The following OAS2 variants were observed in gnomAD, a reference collection of about 807,000 sequenced individuals.
The protein encoded by OAS2 is 2'-5'-oligoadenylate synthetase 2.
Under a neutral mutation model 71.3 loss-of-function variants are expected in OAS2, and 67 were observed. That is an observed-to-expected ratio of 0.94 (90% CI 0.77 to 1.15). OAS2 has a LOEUF of 1.15. Among genes scored for constraint, OAS2 ranks in the 50% most tolerant of loss-of-function variants. The pLI is 0.00. For synonymous variants in OAS2, 327 were observed against 321.8 expected, an observed-to-expected ratio of 1.02 and a Z score of -0.17; for missense variants, 789 against 822.5, an observed-to-expected ratio of 0.96 and a Z score of 0.50.
At chr12:112,998,435 G>A (rs1411716829) in intron 5 of OAS2, 25 bp downstream of exon 5, 1 of 1,601,034 alleles carries the variant, frequency 6.2e-7, no homozygotes, top group Admixed American at 1.8e-5. Flanking sequence ...CAAATACAGG[G>A]TGTTTCATGC....
chr12:113,001,863 C>CAAAAA (rs71086131), intron 5 of OAS2, among the ~76,000 whole-genome samples: 2 of 21,836 alleles, frequency 9.2e-5, no homozygotes, highest in Admixed American at 5.0e-4. Context: ...CCCATCTCTA[C>CAAAAA]AAAAAAAAAA....
rs45565242 is a variant in OAS2 at position 112,995,345 on chromosome 12, C to T, written c.498C>T (p.Ser166=). The change falls in exon 3 of 10, where the codon TCC becomes TCT. Residue 166 remains serine (S), a synonymous_variant. Transcript: ENST00000392583. ...GGATCTATCGAGAGCTCAAAAGATC[C>T]TTGGATAAGACAAATGCCAGTCCTG... ...SPWIYRELKR[S]LDKTNASPGE... is the part of the protein sequence containing the mutation. 19,810 of 1,613,962 alleles carry T rather than the reference C, an allele frequency of 0.012. 162 individuals are homozygous for T. The highest frequency in any genetic ancestry group is 0.013 in the Non-Finnish European group (15,810 of 1,179,952).
intron 2 of OAS2, among the ~76,000 whole-genome samples, chr12:112,990,599 G>A (rs2044182420): frequency 6.6e-6 from 1 of 152,238 alleles, no homozygotes. Context: ...AGGGGAAGGG[G>A]ATTCTCCACA....
rs1345186451 is a variant in OAS2 at position 113,005,220 on chromosome 12, T to A, written c.1466T>A (p.Leu489Gln). 1 of 1,610,854 alleles carries A rather than the reference T, an allele frequency of 6.2e-7. No individual in the cohort carries two copies. Among genetic ancestry groups the A allele is most frequent in the East Asian group, 2.2e-5 (1 of 44,810 alleles). The change falls in exon 7 of 10, where the codon CTG (leucine) becomes CAG (glutamine). Residue 489 changes from leucine (L) to glutamine (Q), a missense_variant and splice_region_variant. Leu to Gln is a moderately radical substitution (Grantham distance 113). Coordinates refer to ENST00000392583, the MANE Select transcript of OAS2 (RefSeq NM_002535.3). ...GATGTGCTTCCTGCCTTTAATGCAC[T>A]GGGTAAGGCTCCCCAGACCTTAGCT... ...SFDVLPAFNA[L>Q]GQLSSGSTPS...
chr12:112,997,850 A>G lies in OAS2; in HGVS notation c.863+95A>G, dbSNP rs1036104163. 9 of 1,043,160 alleles carry G rather than the reference A, an allele frequency of 8.6e-6. No homozygotes were observed. The African/African-American group carries it at 1.5e-4, about 17-fold the overall frequency. The allele number at this position is 1,043,160 out of a possible 1,614,324, so 64.6% of individuals were successfully genotyped here. A position where few individuals can be genotyped will look rare whatever the true frequency, so the allele number is the denominator to read the frequency against. On this transcript the variant is annotated intron_variant, in intron 4 of 9. Coordinates refer to ENST00000392583, the MANE Select transcript of OAS2 (RefSeq NM_002535.3). ...GATCTCAGCCTTGCCCTATCAAGCC[A>G]GTGCTGGACCAGAAGAATGGCAGCC...
chr12:112,979,023 A>G (rs907959317), intron 1 of OAS2, among the ~76,000 whole-genome samples: 11 of 152,062 alleles, frequency 7.2e-5, no homozygotes, highest in Non-Finnish European at 1.5e-4. Context: ...GAGGCATAAT[A>G]CCCACTTCAG....
intron 5 of OAS2, among the ~76,000 whole-genome samples, chr12:113,001,429 C>CAT (rs57323538): frequency 1.4e-5 from 2 of 144,046 alleles, no homozygotes; most frequent in East Asian, 2.0e-4. Flanking sequence ...CATATATGCA[C>CAT]ATATATATAC....
At chr12:113,005,939 A>AC (rs2044330632) in intron 7 of OAS2, among the ~76,000 whole-genome samples, 6 of 148,414 alleles carry the variant, frequency 4.0e-5, no homozygotes, top group African/African-American at 1.5e-4. Context: ...AAAAAAAAAA[A>AC]AAAAAAAAAA....
Position 113,006,489 on chromosome 12 carries a change from C to T in OAS2, c.1545C>T (p.Leu515=), listed in dbSNP as rs768325492. The change falls in exon 8 of 10, where the codon CTC becomes CTT. Residue 515 remains leucine (L), a synonymous_variant. Transcript: ENST00000392583. Reference sequence around the variant, plus strand: ...TTGATCTGTATAAATCCTCGGACCTCCCGGGAGGAGAGTTTTCTACCTGTT... The same window carrying T: ...TTGATCTGTATAAATCCTCGGACCTTCCGGGAGGAGAGTTTTCTACCTGTT... ...GLIDLYKSSD[L]PGGEFSTCFT... is the part of the protein sequence containing the mutation. 4 of 1,613,680 alleles carry T rather than the reference C, an allele frequency of 2.5e-6. No homozygotes were observed. In the Admixed American group the frequency reaches 6.7e-5, roughly 27 times the overall value.
Position 113,000,839 on chromosome 12 carries a change from A to G in OAS2, c.1009-2093A>G, listed in dbSNP as rs150886288. Among the ~76,000 whole-genome samples the G allele has an allele frequency of 7.7e-4, 117 of 152,348 alleles. 1 individual carries two copies. Among genetic ancestry groups the G allele is most frequent in the African/African-American group, 2.8e-3 (116 of 41,574 alleles). ...GGCAATGAATATTCCTTCAATAGGC[A>G]CCGTCCTCAGCAACTATAAGGCCAA... On this transcript the variant is annotated intron_variant, in intron 5 of 9. Transcript: ENST00000392583.
At chr12:113,006,013 C>T (rs1013459396) in intron 7 of OAS2, among the ~76,000 whole-genome samples, 2 of 149,404 alleles carry the variant, frequency 1.3e-5, no homozygotes, top group Admixed American at 6.7e-5. Flanking sequence ...AGATCAGTGT[C>T]GTCCCAGAGA....
intron 2 of OAS2, among the ~76,000 whole-genome samples, chr12:112,989,026 A>T (rs1350729258): frequency 1.3e-5 from 2 of 152,216 alleles, no homozygotes. Flanking sequence ...CTCAGGGTAC[A>T]GCTTGGTTGT....
At chr12:112,999,112 G>A (rs1173544982) in intron 5 of OAS2, among the ~76,000 whole-genome samples, 1 of 152,250 alleles carries the variant, frequency 6.6e-6, no homozygotes, top group African/African-American at 2.4e-5. Context: ...GGGGGTGGCA[G>A]TCAGGCCTGT....
chr12:113,006,407 T>C lies in OAS2; in HGVS notation c.1469-6T>C. On this transcript the variant is annotated splice_region_variant and splice_polypyrimidine_tract_variant and intron_variant, in intron 7 of 9. Transcript: ENST00000392583. ...AAGCAGGATGTCAATCTCTCCCTCA[T>C]GCCAGGTCAGCTGAGTTCTGGCTCC... 1.3e-6 allele frequency: 2 copies of C among 1,544,788 alleles called. No individual in the cohort carries two copies. Among genetic ancestry groups the C allele is most frequent in the Non-Finnish European group, 1.8e-6 (2 of 1,132,442 alleles).
In OAS2 at chr12:113,010,284, A is replaced by G; in HGVS notation, c.*1029A>G. The G allele has an allele frequency of 6.7e-7, 1 of 1,502,176 alleles. No individual in the cohort carries two copies. The highest frequency in any genetic ancestry group is 2.2e-4 in the Middle Eastern group (1 of 4,518). 93.1% of individuals were successfully genotyped at this position (1,502,176 alleles called of 1,614,324 possible). ...TCTGGCAATAGTTACCTTCCCAGAT[A>G]CAGGTCCCCCCTTTTTTCCCCTAAC... On this transcript the variant is annotated 3_prime_UTR_variant, in exon 10 of 10. Coordinates refer to ENST00000392583, the MANE Select transcript of OAS2 (RefSeq NM_002535.3).
Position 113,007,788 on chromosome 12 carries a change from G to T in OAS2, c.1740G>T (p.Gly580=). Residue 580 remains glycine (G), a synonymous_variant, in exon 9 of 10, where the codon GGG becomes GGT. Coordinates refer to ENST00000392583, the MANE Select transcript of OAS2 (RefSeq NM_002535.3). ...ELLTIYAWEQ[G]SGVPDFDTAE... ...TCACCATCTATGCCTGGGAGCAGGG[G>T]AGTGGAGTGCCGGATTTTGACACTG... 1 of 1,614,200 alleles carries T rather than the reference G, an allele frequency of 6.2e-7. No homozygotes were observed. Among genetic ancestry groups the T allele is most frequent in the South Asian group, 1.1e-5 (1 of 91,074 alleles).
Position 113,009,316 on chromosome 12 carries a change from T to C in OAS2, c.*61T>C. On this transcript the variant is annotated 3_prime_UTR_variant, in exon 10 of 10. Coordinates refer to ENST00000392583, the MANE Select transcript of OAS2 (RefSeq NM_002535.3). The stretch of plus-strand genomic sequence containing the variant: ...TTGAATCAAAGAACTTCTCCTACTG[T>C]AGCAACCTGAAATTAACTCAGACAC... 6.3e-7 allele frequency: 1 copy of C among 1,575,132 alleles called. No homozygotes were observed.
In OAS2 at chr12:112,987,136, A is replaced by G; in HGVS notation, c.276A>G (p.Arg92=). 6.2e-7 allele frequency: 1 copy of G among 1,614,202 alleles called. No individual in the cohort carries two copies. Among genetic ancestry groups the G allele is most frequent in the Non-Finnish European group, 8.5e-7 (1 of 1,180,036 alleles). The part of the protein sequence containing the change: ...SDLKQFQDQK[R]SQRDILDKTG... ...TAAAACAATTCCAGGATCAGAAGAG[A>G]AGCCAACGTGACATCCTCGATAAAA... Residue 92 remains arginine (R), a synonymous_variant, in exon 2 of 10, where the codon AGA becomes AGG. Coordinates refer to ENST00000392583, the MANE Select transcript of OAS2 (RefSeq NM_002535.3).
intron 1 of OAS2, among the ~76,000 whole-genome samples, chr12:112,982,006 T>G (rs1294136590): frequency 6.6e-6 from 1 of 152,196 alleles, no homozygotes; most frequent in African/African-American, 2.4e-5. Context: ...TTCAGCTAGT[T>G]CATTACTGAT....
Sources: gnomAD v4.1 joint callset for allele counts (sites outside exome capture counted in the v4.1 genomes callset) on GRCh38, gnomAD v4.1.1 for gene constraint, MANE v1.5 for transcripts, NCBI Gene and HGNC (gene_info 2026-07-23, HGNC 2026-07-21) for gene names.